Variants in ECPAS observed in about 807,000 individuals in gnomAD.
ECPAS encodes the protein Ecm29 proteasome adaptor and scaffold.
A neutral mutation model predicts 255.1 loss-of-function variants in ECPAS; 70 were observed. The observed-to-expected ratio is 0.27, with a 90% CI of 0.23 to 0.33. ECPAS has a LOEUF of 0.33. ECPAS is among the 10% of genes least tolerant of loss of function. ECPAS has a pLI of 1.00. For synonymous variants in ECPAS, 784 were observed against 775.0 expected, an observed-to-expected ratio of 1.01 and a Z score of -0.19; for missense variants, 1,817 against 2,206.4, an observed-to-expected ratio of 0.82 and a Z score of 3.54.
Position 111,423,737 on chromosome 9 carries a change from T to C in ECPAS, c.1216-489A>G, listed in dbSNP as rs2098217628. ...CTACACTGTAATGAACAGCTTTCTA[T>C]CATATTTTCTACCATAAAAAATTAA... On this transcript the variant is annotated intron_variant, in intron 12 of 49. Coordinates refer to ENST00000684092, the MANE Select transcript of ECPAS (RefSeq NM_001364929.1). Among the ~76,000 whole-genome samples, 3 of 152,232 alleles carry C rather than the reference T, an allele frequency of 2.0e-5. No homozygotes were observed. In the South Asian group the frequency reaches 6.2e-4, roughly 32 times the overall value.
chr9:111,392,060 G>GA (rs2098161009), intron 28 of ECPAS, among the ~76,000 whole-genome samples: 1 of 152,148 alleles, frequency 6.6e-6, no homozygotes, highest in Non-Finnish European at 1.5e-5. Context: ...CTAACATGGT[G>GA]AAACGCCATC....
chr9:111,363,099 C>T (rs1352351976), intron 49 of ECPAS, among the ~76,000 whole-genome samples: 2 of 151,712 alleles, frequency 1.3e-5, no homozygotes, highest in Non-Finnish European at 2.9e-5. Context: ...GGAGAAAATG[C>T]TAACAGTTCC....
intron 12 of ECPAS, 128 bp from the exon 13 acceptor site, chr9:111,423,376 C>T (rs1266948871): frequency 3.0e-6 from 2 of 662,986 alleles, no homozygotes; most frequent in African/African-American, 3.6e-5. Flanking sequence ...AAACCTAGGT[C>T]TCACTCTGTC....
intron 15 of ECPAS, among the ~76,000 whole-genome samples, chr9:111,420,692 T>G (rs771526378): frequency 2.2e-4 from 34 of 152,154 alleles, no homozygotes; most frequent in Admixed American, 5.2e-4. Context: ...AGAAAAGTAG[T>G]TTTAGAATCT....
intron 3 of ECPAS, among the ~76,000 whole-genome samples, chr9:111,449,298 G>T (rs1344838076): frequency 6.6e-6 from 1 of 152,002 alleles, no homozygotes; most frequent in Non-Finnish European, 1.5e-5. Flanking sequence ...CTTTTAAAAT[G>T]ACCCATTAAA....
At chr9:111,389,114 A>G (rs924611522) in intron 31 of ECPAS, among the ~76,000 whole-genome samples, 2 of 152,248 alleles carry the variant, frequency 1.3e-5, no homozygotes, top group Non-Finnish European at 1.5e-5. Flanking sequence ...AGAAATCTTA[A>G]TATCTAAAAG....
chr9:111,394,693 C>G (rs568184391), intron 25 of ECPAS, among the ~76,000 whole-genome samples: 2 of 152,114 alleles, frequency 1.3e-5, no homozygotes, highest in Non-Finnish European at 1.5e-5. Flanking sequence ...GTTTCTCAAC[C>G]TCAACACTAC....
intron 20 of ECPAS, among the ~76,000 whole-genome samples, chr9:111,412,751 CT>C (rs1237569879): frequency 6.6e-6 from 1 of 151,792 alleles, no homozygotes; most frequent in Non-Finnish European, 1.5e-5. Flanking sequence ...ATAAAAAAAC[CT>C]TTTTAAACTA....
chr9:111,395,001 A>C (rs541085483), intron 25 of ECPAS, among the ~76,000 whole-genome samples: 2 of 152,340 alleles, frequency 1.3e-5, no homozygotes, highest in South Asian at 4.1e-4. Context: ...TTAGTCATAG[A>C]AATCACGAAT....
rs1172413550 is a variant in ECPAS at position 111,385,373 on chromosome 9, A to G, written c.3597T>C (p.Ile1199=). The change falls in exon 33 of 50, where the codon ATT becomes ATC. Residue 1199 remains isoleucine, a synonymous_variant. Coordinates refer to ENST00000684092, the MANE Select transcript of ECPAS (RefSeq NM_001364929.1). ...CTTGTACTCTAAAAAGCGTTTCCCA[A>G]ATTTCTGGAAGTTTATCAATGATGT... The part of the protein sequence containing the change: ...LDDIIDKLPE[I]WETLFRVQDD... 7 of 1,578,358 alleles carry G rather than the reference A, an allele frequency of 4.4e-6. No individual in the cohort carries two copies. Among genetic ancestry groups the G allele is most frequent in the Admixed American group, 1.8e-5 (1 of 56,136 alleles).
chr9:111,459,286 G>C (rs892933847), intron 2 of ECPAS, among the ~76,000 whole-genome samples: 6 of 151,540 alleles, frequency 4.0e-5, no homozygotes, highest in Non-Finnish European at 8.8e-5. Flanking sequence ...GTAGAAATGA[G>C]GTCTATGTTG....
chr9:111,479,379 TGAGGTCAG>T (rs1331265853), intron 1 of ECPAS, among the ~76,000 whole-genome samples: 1 of 149,826 alleles, frequency 6.7e-6, no homozygotes, highest in African/African-American at 2.4e-5. Context: ...GGGCGGATCA[TGAGGTCAG>T]GAGGTCGAGA....
At chr9:111,479,449 C>A (rs1406869090) in intron 1 of ECPAS, among the ~76,000 whole-genome samples, 1 of 151,408 alleles carries the variant, frequency 6.6e-6, no homozygotes, top group Non-Finnish European at 1.5e-5. Context: ...AAAAATTAGC[C>A]GGGCATGGTG....
intron 15 of ECPAS, among the ~76,000 whole-genome samples, chr9:111,421,410 T>C (rs781159103): frequency 3.2e-4 from 8 of 25,172 alleles, no homozygotes; most frequent in Non-Finnish European, 5.6e-4. Context: ...ATTACATATA[T>C]GTGTGTGTGT....
In ECPAS at chr9:111,385,425, T is replaced by C; in HGVS notation, c.3545A>G (p.Asp1182Gly). 6.4e-7 allele frequency: 1 copy of C among 1,565,668 alleles called. No individual in the cohort carries two copies. Among genetic ancestry groups the C allele is most frequent in the South Asian group, 1.2e-5 (1 of 84,248 alleles). ...VRESSCLALN[D>G]LLRGRPLDDI... Reference sequence around the variant, plus strand: ...ATCTAAGGGTCTTCCTCTCAATAAATCATTCAAAGCTAAACAGCTGAAAAT... The same window carrying C: ...ATCTAAGGGTCTTCCTCTCAATAAACCATTCAAAGCTAAACAGCTGAAAAT... Residue 1182 changes from aspartate (D) to glycine (G), a missense_variant, in exon 33 of 50, where the codon GAT becomes GGT. Transcript: ENST00000684092.
At chr9:111,453,666 T>C (rs908154784) in intron 2 of ECPAS, among the ~76,000 whole-genome samples, 4 of 152,186 alleles carry the variant, frequency 2.6e-5, no homozygotes, top group Non-Finnish European at 5.9e-5. Flanking sequence ...GTCGTGCAGA[T>C]ATCACGTGTC....
Position 111,437,017 on chromosome 9 carries a change from G to T in ECPAS, c.631C>A (p.Pro211Thr). The change falls in exon 7 of 50, where the codon CCT (proline) becomes ACT (threonine). Residue 211 changes from proline (P) to threonine (T), a missense_variant. Pro to Thr is a conservative substitution (Grantham distance 38, BLOSUM62 -1). Coordinates refer to ENST00000684092, the MANE Select transcript of ECPAS (RefSeq NM_001364929.1). The stretch of plus-strand genomic sequence containing the variant: ...GCATAAAAGCTCATTCCCGGAGGAG[G>T]CTGTGGGATTCCAGAACCTCCGCCA... ...NSGGGSGIPQ[P>T]PPGMSFYAAK... 1 of 1,612,930 alleles carries T rather than the reference G, an allele frequency of 6.2e-7. No homozygotes were observed. Among genetic ancestry groups the T allele is most frequent in the Non-Finnish European group, 8.5e-7 (1 of 1,179,466 alleles).
chr9:111,441,972 A>C (rs2098246564), intron 5 of ECPAS, among the ~76,000 whole-genome samples: 1 of 152,234 alleles, frequency 6.6e-6, no homozygotes, highest in Non-Finnish European at 1.5e-5. Flanking sequence ...GAAACTTTAT[A>C]TCTTCCAAGA....
intron 39 of ECPAS, 51 bp downstream of exon 39, chr9:111,373,921 A>G: frequency 7.2e-7 from 1 of 1,382,814 alleles, no homozygotes; most frequent in Non-Finnish European, 1.0e-6. Flanking sequence ...ACTCTGTCAC[A>G]CAAGACAGGG....
Sources: allele counts gnomAD v4.1 joint callset (sites outside exome capture counted in the v4.1 genomes callset), GRCh38; gene constraint gnomAD v4.1.1; transcripts MANE v1.5; gene names NCBI Gene and HGNC (gene_info 2026-07-23, HGNC 2026-07-21).